The following KCNJ14 variants were observed in gnomAD, a reference collection of about 807,000 sequenced individuals.
The protein encoded by KCNJ14 is potassium inwardly rectifying channel subfamily J member 14, also known as ATP-sensitive inward rectifier potassium channel 14.
KCNJ14 carries 18 observed loss-of-function variants against 24.5 expected under a neutral mutation model. The observed-to-expected ratio is 0.74, with a 90% CI of 0.51 to 1.09. KCNJ14 has a LOEUF of 1.09. KCNJ14 is among the 50% of genes least tolerant of loss of function. The probability of loss-of-function intolerance (pLI) is 0.00; values close to 1 mark genes in which losing one functional copy is unlikely to be tolerated. For missense variants in KCNJ14, 633 were observed against 623.0 expected, an observed-to-expected ratio of 1.02 and a Z score of -0.17; for synonymous variants, 288 against 270.8, an observed-to-expected ratio of 1.06 and a Z score of -0.63.
At chr19:48,457,030 C>G (rs1475336015) in intron 1 of KCNJ14, 1 of 147,994 alleles carries the variant, frequency 6.8e-6, no homozygotes, top group African/African-American at 2.5e-5. Context: ...GGGTCTTGCT[C>G]TGTTGCCCAG....
chr19:48,464,424 T>C lies in KCNJ14; in HGVS notation c.958T>C (p.Tyr320His). ...TAMTTQCRSS[Y>H]LPGELLWGHR... ...CATGACCACACAGTGTCGCTCGTCC[T>C]ACCTCCCTGGTGAACTGCTCTGGGG... Residue 320 changes from tyrosine (Y) to histidine (H), a missense_variant, in exon 3 of 3, where the codon TAC (tyrosine) becomes CAC (histidine). By Grantham distance (83) the Tyr-to-His change is moderately conservative. Coordinates refer to ENST00000342291, the MANE Select transcript of KCNJ14 (RefSeq NM_013348.4). The C allele has an allele frequency of 6.2e-7, 1 of 1,613,742 alleles. No individual in the cohort carries two copies. Among genetic ancestry groups the C allele is most frequent in the South Asian group, 1.1e-5 (1 of 90,966 alleles).
rs749054851 is a variant in KCNJ14, at chr19:48,461,892, C to T, written c.168C>T (p.Asp56=). 7.5e-6 allele frequency: 12 copies of T among 1,598,854 alleles called. No individual in the cohort carries two copies. The African/African-American group carries it at 1.1e-4, about 14-fold the overall frequency. ...GCCGCGGTCGCTTCGTCAAGAAAGA[C>T]GGGCACTGCAACGTGCGTTTCGTAA... ...GRRRGRFVKK[D]GHCNVRFVNL... The change falls in exon 2 of 3, where the codon GAC becomes GAT. Residue 56 remains aspartate, a synonymous_variant. Coordinates refer to ENST00000342291, the MANE Select transcript of KCNJ14 (RefSeq NM_013348.4).
At position 48,461,905 on chromosome 19, in the gene KCNJ14, G is replaced by A. The variant is rs992971743; in HGVS notation, c.181G>A (p.Val61Met). ...RFVKKDGHCN[V>M]RFVNLGGQGA... is the part of the protein sequence containing the mutation. ...CGTCAAGAAAGACGGGCACTGCAACGTGCGTTTCGTAAACCTGGGTGGCCA... is the reference window on the plus strand; with the variant it reads ...CGTCAAGAAAGACGGGCACTGCAACATGCGTTTCGTAAACCTGGGTGGCCA... The change falls in exon 2 of 3, where the codon GTG (valine) becomes ATG (methionine). Residue 61 changes from valine to methionine, a missense_variant. Physicochemically the swap from Val to Met is conservative, Grantham distance 21. Transcript: ENST00000342291. 2.5e-6 allele frequency: 4 copies of A among 1,606,000 alleles called. No individual in the cohort carries two copies. The highest frequency in any genetic ancestry group is 2.6e-6 in the Non-Finnish European group (3 of 1,175,602).
In KCNJ14 at chr19:48,466,772, C is replaced by G. The variant is rs552675663; in HGVS notation, c.*1995C>G. ...CCAGGAGACGCTGGGATGTAAGATA[C>G]TCTTGGAGGCTGGCTCTGAACTCGG... is the stretch of plus-strand genomic sequence containing the variant. On this transcript the variant is annotated 3_prime_UTR_variant, in exon 3 of 3. Coordinates refer to ENST00000342291, the MANE Select transcript of KCNJ14 (RefSeq NM_013348.4). 6.6e-6 allele frequency: 1 copy of G among 152,242 alleles called. No individual in the cohort carries two copies. The highest frequency in any genetic ancestry group is 2.1e-4 in the South Asian group (1 of 4,836). 9.4% of individuals were successfully genotyped at this position (152,242 alleles called of 1,614,324 possible).
At chr19:48,464,085 T>C (rs2147495348) in intron 2 of KCNJ14, 96 bp from the exon 3 acceptor site, 1 of 864,920 alleles carries the variant, frequency 1.2e-6, no homozygotes. Flanking sequence ...TCCTGTGGTC[T>C]TTGCCTTCTT....
chr19:48,464,474 C>T lies in KCNJ14; in HGVS notation c.1008C>T (p.Phe336=). The T allele has an allele frequency of 6.2e-7, 1 of 1,614,074 alleles. No individual in the cohort carries two copies. ...GCCATCGTTTTGAGCCAGTTCTCTT[C>T]CAGCGTGGCTCCCAGTATGAGGTCG... The part of the protein sequence containing the change: ...LWGHRFEPVL[F]QRGSQYEVDY... The change falls in exon 3 of 3, where the codon TTC becomes TTT. Residue 336 remains phenylalanine (F), a synonymous_variant. Coordinates refer to ENST00000342291, the MANE Select transcript of KCNJ14 (RefSeq NM_013348.4).
Position 48,464,625 on chromosome 19 carries a change from G to T in KCNJ14, c.1159G>T (p.Ala387Ser). 1 of 1,614,162 alleles carries T rather than the reference G, an allele frequency of 6.2e-7. No individual in the cohort carries two copies. The highest frequency in any genetic ancestry group is 1.7e-5 in the Admixed American group (1 of 60,026). Reference protein sequence around the residue: ...LKSSFPGSLTAFCYENELALS... With the variant: ...LKSSFPGSLTSFCYENELALS... ...GTCTAGTTTCCCCGGCTCTCTGACT[G>T]CATTTTGTTATGAGAATGAACTTGC... Residue 387 changes from alanine (A) to serine (S), a missense_variant, in exon 3 of 3, where the codon GCA becomes TCA. Physicochemically the swap from Ala to Ser is moderately conservative, Grantham distance 99 (BLOSUM62 1). Transcript: ENST00000342291.
In KCNJ14 at chr19:48,465,813, T is replaced by C. The variant is rs539714329; in HGVS notation, c.*1036T>C. The C allele has an allele frequency of 1.2e-4, 18 of 152,736 alleles. No individual in the cohort carries two copies. The East Asian group carries it at 3.5e-3, about 29-fold the overall frequency. 9.5% of individuals were successfully genotyped at this position (152,736 alleles called of 1,614,324 possible). On this transcript the variant is annotated 3_prime_UTR_variant, in exon 3 of 3. Coordinates refer to ENST00000342291, the MANE Select transcript of KCNJ14 (RefSeq NM_013348.4). Reference sequence around the variant, plus strand: ...TGTGGTTCTGTAATGCCAAAAGGAATGAAGGCTCCAGGGATACAGAGTTGT... The same window carrying C: ...TGTGGTTCTGTAATGCCAAAAGGAACGAAGGCTCCAGGGATACAGAGTTGT...
chr19:48,463,133 C>A (rs1341259359), intron 2 of KCNJ14, among the ~76,000 whole-genome samples: 1 of 152,128 alleles, frequency 6.6e-6, no homozygotes, highest in Admixed American at 6.5e-5. Context: ...CCCTCCCTGC[C>A]CTGAGGAAGG....
intron 1 of KCNJ14, among the ~76,000 whole-genome samples, chr19:48,459,834 G>T (rs1316931875): frequency 6.6e-6 from 1 of 151,994 alleles, no homozygotes; most frequent in Non-Finnish European, 1.5e-5. Context: ...TTCAAGACCA[G>T]CCTGGCCAAC....
Position 48,462,446 on chromosome 19 carries a change from C to G in KCNJ14, c.714+8C>G, listed in dbSNP as rs1224063010. On this transcript the variant is annotated splice_region_variant and intron_variant, in intron 2 of 2. Coordinates refer to ENST00000342291, the MANE Select transcript of KCNJ14 (RefSeq NM_013348.4). This position sits in a 1 kb window ranked among gnomAD's most constrained non-coding sequence, Gnocchi z 4.9. ...CGTGCCCAGCTGCTGCAGGTGCGCC[C>G]GGGAGGAGAGGCGGGGACTTCCGTG... The G allele has an allele frequency of 1.4e-6, 2 of 1,460,052 alleles. No homozygotes were observed. Among genetic ancestry groups the G allele is most frequent in the South Asian group, 1.4e-5 (1 of 70,726 alleles). The allele number at this position is 1,460,052 out of a possible 1,614,324, so 90.4% of individuals were successfully genotyped here. A position where few individuals can be genotyped will look rare whatever the true frequency, so the allele number is the denominator to read the frequency against.
rs200428426 is a variant in KCNJ14 at position 48,464,778 on chromosome 19, T to C, written c.*1T>C. 6.0e-5 allele frequency: 95 copies of C among 1,591,748 alleles called. No individual in the cohort carries two copies. Among genetic ancestry groups the C allele is most frequent in the Non-Finnish European group, 7.5e-5 (88 of 1,171,086 alleles). ...CCTGGCGCTGACCCTGCCTCCATGA[T>C]GCAAACTGATGTCCCCTTCCCCGTG... On this transcript the variant is annotated 3_prime_UTR_variant, in exon 3 of 3. Coordinates refer to ENST00000342291, the MANE Select transcript of KCNJ14 (RefSeq NM_013348.4).
chr19:48,462,079 G>A lies in KCNJ14; in HGVS notation c.355G>A (p.Ala119Thr), dbSNP rs548705242. 2 of 1,605,754 alleles carry A rather than the reference G, an allele frequency of 1.2e-6. No individual in the cohort carries two copies. The highest frequency in any genetic ancestry group is 2.2e-5 in the East Asian group (1 of 44,730). The change falls in exon 2 of 3, where the codon GCC (alanine) becomes ACC (threonine). Residue 119 changes from alanine to threonine, a missense_variant. Transcript: ENST00000342291. The surrounding 1 kb of genome is among the most constrained non-coding windows in gnomAD (Gnocchi z 4.9). Reference sequence around the variant, plus strand: ...CATTGCCTCGCTGCACGGCGACCTGGCCGCCCCGCCACCGCCCGCGCCCTG... The same window carrying A: ...CATTGCCTCGCTGCACGGCGACCTGACCGCCCCGCCACCGCCCGCGCCCTG... The part of the protein sequence containing the change: ...WLIASLHGDL[A>T]APPPPAPCFS...
At chr19:48,458,860 C>G (rs1359594919) in intron 1 of KCNJ14, among the ~76,000 whole-genome samples, 1 of 141,436 alleles carries the variant, frequency 7.1e-6, no homozygotes, top group Non-Finnish European at 1.5e-5. Context: ...CTCTTGTACC[C>G]AGGAGGTGGA....
intron 1 of KCNJ14, among the ~76,000 whole-genome samples, chr19:48,458,935 CA>C (rs34990679): frequency 3.0e-3 from 117 of 38,648 alleles, no homozygotes; most frequent in African/African-American, 0.011. Flanking sequence ...GACTCCGTCT[CA>C]AAAAAAAAAA....
chr19:48,461,537 AAAAAAAAAAAAAAT>A, intron 1 of KCNJ14, 119 bp from the exon 2 acceptor site: 1 of 387,712 alleles, frequency 2.6e-6, no homozygotes, highest in East Asian at 3.9e-5. Context: ...CCAAAAAAAA[AAAAAAAAAAAAAAT>A]GCGTATCGTT....
At position 48,462,127 on chromosome 19, in the gene KCNJ14, C is replaced by T. The variant is rs1470663674; in HGVS notation, c.403C>T (p.Leu135=). The T allele has an allele frequency of 6.3e-7, 1 of 1,597,264 alleles. No homozygotes were observed. The highest frequency in any genetic ancestry group is 2.3e-5 in the East Asian group (1 of 44,168). The change falls in exon 2 of 3, where the codon CTG becomes TTG. Residue 135 remains leucine (L), a synonymous_variant. Transcript: ENST00000342291. This position sits in a 1 kb window ranked among gnomAD's most constrained non-coding sequence, Gnocchi z 4.9. ...CTGCTTCTCACACGTGGCCAGCTTC[C>T]TGGCCGCCTTCCTCTTCGCGCTGGA... The part of the protein sequence containing the change: ...APCFSHVASF[L]AAFLFALETQ...
rs35593185 is a variant in KCNJ14 at position 48,464,532 on chromosome 19, C to A, written c.1066C>A (p.Pro356Thr). ...CCACTTCCATCGCACTTATGAGGTC[C>A]CAGGGACACCGGTCTGCAGTGCTAA... The part of the protein sequence containing the change: ...YRHFHRTYEV[P>T]GTPVCSAKEL... Residue 356 changes from proline (P) to threonine (T), a missense_variant, in exon 3 of 3, where the codon CCA (proline) becomes ACA (threonine). By Grantham distance (38) the Pro-to-Thr change is conservative (BLOSUM62 -1). Transcript: ENST00000342291. The A allele has an allele frequency of 5.5e-3, 8,827 of 1,614,118 alleles. 56 individuals carry two copies. Among genetic ancestry groups the A allele is most frequent in the Non-Finnish European group, 5.3e-3 (6,228 of 1,180,022 alleles).
intron 2 of KCNJ14, among the ~76,000 whole-genome samples, chr19:48,463,694 C>T (rs1971625677): frequency 6.6e-6 from 1 of 152,166 alleles, no homozygotes; most frequent in Non-Finnish European, 1.5e-5. Context: ...TTTCTCTGGC[C>T]ACATACTAAA....
Sources: allele counts gnomAD v4.1 joint callset (sites outside exome capture counted in the v4.1 genomes callset), GRCh38; gene constraint gnomAD v4.1.1; non-coding constraint Gnocchi (gnomAD v3.1); transcripts MANE v1.5; gene names NCBI Gene and HGNC (gene_info 2026-07-23, HGNC 2026-07-21).